TRMT6: variants seen among roughly 807,000 people sequenced by gnomAD.
The protein encoded by TRMT6 is tRNA methyltransferase 6 non-catalytic subunit, also known as tRNA (adenine(58)-N(1))-methyltransferase non-catalytic subunit TRM6.
In TRMT6, 34 loss-of-function variants were observed where a neutral mutation model predicts 59.0. The ratio of observed to expected loss-of-function variants is 0.58; its 90% confidence interval spans 0.44 to 0.77. The LOEUF is 0.77. Ranked by LOEUF, TRMT6 falls within the 30% of genes least tolerant of loss-of-function variation. TRMT6 has a pLI of 0.00. For missense variants in TRMT6, 575 were observed against 604.5 expected (o/e 0.95, Z 0.51); for synonymous variants, 217 against 210.5 (o/e 1.03, Z -0.27).
intron 2 of TRMT6, 100 bp from the exon 3 acceptor site, chr20:5,945,014 G>A: frequency 1.1e-6 from 1 of 901,972 alleles, no homozygotes; most frequent in Middle Eastern, 2.2e-4. Context: ...AGCCACTCAA[G>A]TCTGGCCTCC....
chr20:5,939,359 T>C (rs1425514659), intron 10 of TRMT6, among the ~76,000 whole-genome samples: 4 of 151,654 alleles, frequency 2.6e-5, no homozygotes, highest in Non-Finnish European at 5.9e-5. Context: ...CACACAGCTG[T>C]AATGCCAGCT....
At position 5,946,490 on chromosome 20, in the gene TRMT6, T is replaced by C; in HGVS notation, c.172A>G (p.Ile58Val). Residue 58 changes from isoleucine to valine, a missense_variant, in exon 2 of 11, where the codon ATT becomes GTT. Coordinates refer to ENST00000203001, the MANE Select transcript of TRMT6 (RefSeq NM_015939.5). The stretch of plus-strand genomic sequence containing the variant: ...AATGCAGTTCCATAACTATGGCCAA[T>C]GACGTTATCCAGGTAGAACCACTGT... Reference protein sequence around the residue: ...EKQWFYLDNVIGHSYGTAFEV... With the variant: ...EKQWFYLDNVVGHSYGTAFEV... 6.2e-7 allele frequency: 1 copy of C among 1,614,168 alleles called. No homozygotes were observed. The highest frequency in any genetic ancestry group is 8.5e-7 in the Non-Finnish European group (1 of 1,180,020).
intron 8 of TRMT6, chr20:5,941,561 A>C (rs770692140): frequency 1.7e-6 from 1 of 571,788 alleles, no homozygotes; most frequent in Non-Finnish European, 3.1e-6. Context: ...GGTACTTGGC[A>C]ACTCTAAGTC....
At chr20:5,945,318 T>C (rs1005011965) in intron 2 of TRMT6, among the ~76,000 whole-genome samples, 4 of 152,248 alleles carry the variant, frequency 2.6e-5, no homozygotes, top group Admixed American at 1.3e-4. Context: ...GCCTTCTTTC[T>C]GTTCCTTGAA....
intron 10 of TRMT6, among the ~76,000 whole-genome samples, chr20:5,939,884 T>A (rs2088641298): frequency 6.6e-6 from 1 of 152,126 alleles, no homozygotes; most frequent in Admixed American, 6.5e-5. Flanking sequence ...TACGGCAGCA[T>A]GGAGGTGCTC....
At chr20:5,938,922 C>A (rs2088632478) in intron 10 of TRMT6, among the ~76,000 whole-genome samples, 196 bp from the exon 11 acceptor site, 1 of 146,934 alleles carries the variant, frequency 6.8e-6, no homozygotes, top group Non-Finnish European at 1.5e-5. Flanking sequence ...CTTCCTCCCT[C>A]CCTTCCTTCC....
chr20:5,942,632 C>T lies in TRMT6; in HGVS notation c.822G>A (p.Met274Ile). Residue 274 changes from methionine (M) to isoleucine (I), a missense_variant, in exon 7 of 11, where the codon ATG becomes ATA. By Grantham distance (10) the Met-to-Ile change is conservative. Transcript: ENST00000203001. The part of the protein sequence containing the change: ...SLLHGTFSAK[M>I]LSSEPKDSAL... ...CACTGTCTTTTGGCTCTGAAGATAA[C>T]ATCTTGGCAGAAAATGTTCCATGTA... 1 of 1,614,148 alleles carries T rather than the reference C, an allele frequency of 6.2e-7. No individual in the cohort carries two copies. Among genetic ancestry groups the T allele is most frequent in the East Asian group, 2.2e-5 (1 of 44,872 alleles).
rs1009408736 is a variant in TRMT6, at chr20:5,942,626, A to G, written c.828T>C (p.Ser276=). 6.2e-7 allele frequency: 1 copy of G among 1,614,078 alleles called. No individual in the cohort carries two copies. Among genetic ancestry groups the G allele is most frequent in the Non-Finnish European group, 8.5e-7 (1 of 1,180,032 alleles). The change falls in exon 7 of 11, where the codon TCT becomes TCC. Residue 276 remains serine (S), a synonymous_variant. Transcript: ENST00000203001. ...LHGTFSAKML[S]SEPKDSALVE... is the part of the protein sequence containing the mutation. ...CCAAAGCACTGTCTTTTGGCTCTGAAGATAACATCTTGGCAGAAAATGTTC... is the reference window on the plus strand; with the variant it reads ...CCAAAGCACTGTCTTTTGGCTCTGAGGATAACATCTTGGCAGAAAATGTTC...
Position 5,938,385 on chromosome 20 carries a change from CA to C in TRMT6, c.*149del. 3.7e-6 allele frequency: 3 copies of C among 812,212 alleles called. No homozygotes were observed. Among genetic ancestry groups the C allele is most frequent in the Admixed American group, 2.7e-5 (1 of 37,224 alleles). 50.3% of individuals were successfully genotyped at this position (812,212 alleles called of 1,614,324 possible). ...CAAATGCATCTGTGTCAGAAATAGA[CA>C]AAAGGCATATACTCCTCCTTCCTAG... On this transcript the variant is annotated 3_prime_UTR_variant, in exon 11 of 11. Coordinates refer to ENST00000203001, the MANE Select transcript of TRMT6 (RefSeq NM_015939.5).
rs911038405 is a variant in TRMT6, at chr20:5,942,675, T to C, written c.779A>G (p.Asn260Ser). 12 of 1,614,034 alleles carry C rather than the reference T, an allele frequency of 7.4e-6. No homozygotes were observed. The highest frequency in any genetic ancestry group is 1.7e-5 in the Admixed American group (1 of 60,022). The change falls in exon 7 of 11, where the codon AAC becomes AGC. Residue 260 changes from asparagine (N) to serine (S), a missense_variant. By Grantham distance (46) the Asn-to-Ser change is conservative. Transcript: ENST00000203001. ...FLSGLYEFPL[N>S]KVDSLLHGTF... ...TCCATGTAGAAGACTGTCCACTTTG[T>C]TGAGAGGGAATTCATAAAGACCACT...
rs1483497463 is a variant in TRMT6, at chr20:5,943,456, C to T, written c.667+103G>A. 2.7e-6 allele frequency: 4 copies of T among 1,482,438 alleles called. No individual in the cohort carries two copies. In the South Asian group the frequency reaches 3.8e-5, roughly 14 times the overall value. The allele number at this position is 1,482,438 out of a possible 1,614,324, so 91.8% of individuals were successfully genotyped here. On this transcript the variant is annotated intron_variant, in intron 6 of 10. Transcript: ENST00000203001. ...AGGTTCACCCAAGTCACTTTGTTAA[C>T]CCTGAAGTAATTCAATTTGGCTTTC...
chr20:5,944,820 C>T lies in TRMT6; in HGVS notation c.351G>A (p.Lys117=), dbSNP rs1279773359. The change falls in exon 3 of 11, where the codon AAG becomes AAA. Residue 117 remains lysine (K), a synonymous_variant. Coordinates refer to ENST00000203001, the MANE Select transcript of TRMT6 (RefSeq NM_015939.5). ...TGAATATTACCTCTCCTTTAATGCC[C>T]TTGTCCTTCAAAGCTTTTATGTCAT... ...TQDDIKALKD[K]GIKGEEIVQQ... 1.2e-6 allele frequency: 2 copies of T among 1,612,928 alleles called. No individual in the cohort carries two copies. Among genetic ancestry groups the T allele is most frequent in the South Asian group, 1.1e-5 (1 of 91,064 alleles).
Position 5,946,548 on chromosome 20 carries a change from T to G in TRMT6, c.129-15A>C, listed in dbSNP as rs1433462133. The G allele has an allele frequency of 6.2e-7, 1 of 1,611,926 alleles. No individual in the cohort carries two copies. Among genetic ancestry groups the G allele is most frequent in the African/African-American group, 1.3e-5 (1 of 74,830 alleles). On this transcript the variant is annotated splice_polypyrimidine_tract_variant and intron_variant, in intron 1 of 10. Coordinates refer to ENST00000203001, the MANE Select transcript of TRMT6 (RefSeq NM_015939.5). The stretch of plus-strand genomic sequence containing the variant: ...AAGTTACTTTTCTAGGGAAAAAAAG[T>G]AATCAATTAACTGAATATCTTTTCT...
intron 4 of TRMT6, 31 bp from the exon 5 acceptor site, chr20:5,944,062 A>T (rs773163793): frequency 4.5e-5 from 67 of 1,496,648 alleles, no homozygotes; most frequent in Admixed American, 1.2e-4. Flanking sequence ...ACGCTGATTT[A>T]AAAAAATGAC....
chr20:5,939,667 T>C (rs76986775), intron 10 of TRMT6, among the ~76,000 whole-genome samples: 5,449 of 152,126 alleles, frequency 0.036, 149 homozygotes, highest in Middle Eastern at 0.054. Context: ...ATAATGGAGC[T>C]TGGGTCTATG....
rs775289376 is a variant in TRMT6, at chr20:5,941,153, C to G, written c.1216-14G>C. ...TTCCAACAGAGGCTGCAGACAACAA[C>G]AGAATTCTGTTAAGAACTACTTCCT... On this transcript the variant is annotated splice_polypyrimidine_tract_variant and intron_variant, in intron 9 of 10. Transcript: ENST00000203001. 2 of 1,613,406 alleles carry G rather than the reference C, an allele frequency of 1.2e-6. No individual in the cohort carries two copies. Among genetic ancestry groups the G allele is most frequent in the Non-Finnish European group, 1.7e-6 (2 of 1,179,326 alleles).
rs2088616565 is a variant in TRMT6, at chr20:5,937,323, A to T, written c.*1212T>A. ...TGGCATAGCACATGCTATTTGGAAA[A>T]AAAATTTTTTTTCTGAGATGTTCCT... On this transcript the variant is annotated 3_prime_UTR_variant, in exon 11 of 11. Coordinates refer to ENST00000203001, the MANE Select transcript of TRMT6 (RefSeq NM_015939.5). 6.6e-6 allele frequency: 1 copy of T among 152,236 alleles called. No homozygotes were observed. Among genetic ancestry groups the T allele is most frequent in the Non-Finnish European group, 1.5e-5 (1 of 68,046 alleles). 9.4% of individuals were successfully genotyped at this position (152,236 alleles called of 1,614,324 possible).
Position 5,941,335 on chromosome 20 carries a change from C to A in TRMT6, c.1123G>T (p.Ala375Ser). The change falls in exon 9 of 11, where the codon GCT becomes TCT. Residue 375 changes from alanine (A) to serine (S), a missense_variant. Physicochemically the swap from Ala to Ser is moderately conservative, Grantham distance 99. Coordinates refer to ENST00000203001, the MANE Select transcript of TRMT6 (RefSeq NM_015939.5). ...SERNADGLIV[A>S]SRFHPTPLLL... ...AGGGGAGTGGGGTGGAAACGACTAGCTACAATTAAACTGTAAGGAAAATGC... is the reference window on the plus strand; with the variant it reads ...AGGGGAGTGGGGTGGAAACGACTAGATACAATTAAACTGTAAGGAAAATGC... The A allele has an allele frequency of 6.2e-7, 1 of 1,613,798 alleles. No homozygotes were observed.
Position 5,937,755 on chromosome 20 carries a change from AATAT to A in TRMT6, c.*776_*779del, listed in dbSNP as rs1383537589. On this transcript the variant is annotated 3_prime_UTR_variant, in exon 11 of 11. Transcript: ENST00000203001. ...GTATGTATATATCTGTGTATATATAAATATATGTGTGTATATATACCAACATCTA... is the reference window on the plus strand; with the variant it reads ...GTATGTATATATCTGTGTATATATAAATGTGTGTATATATACCAACATCTA... 6.6e-6 allele frequency: 1 copy of A among 152,314 alleles called. No individual in the cohort carries two copies. The highest frequency in any genetic ancestry group is 2.4e-5 in the African/African-American group (1 of 41,570). 9.4% of individuals were successfully genotyped at this position (152,314 alleles called of 1,614,324 possible). A position where few individuals can be genotyped will look rare whatever the true frequency, so the allele number is the denominator to read the frequency against.
Sources: gnomAD v4.1 joint callset for allele counts (sites outside exome capture counted in the v4.1 genomes callset) on GRCh38, gnomAD v4.1.1 for gene constraint, MANE v1.5 for transcripts, NCBI Gene and HGNC (gene_info 2026-07-23, HGNC 2026-07-21) for gene names.